The following SNX29 variants were observed in gnomAD, a reference collection of about 807,000 sequenced individuals.
SNX29 encodes sorting nexin 29.
In SNX29, 78 loss-of-function variants were observed where a neutral mutation model predicts 102.1. The observed-to-expected ratio is 0.76, with a 90% CI of 0.64 to 0.92. The LOEUF (loss-of-function observed/expected upper bound fraction) is 0.92. Ranked by LOEUF, SNX29 falls within the 40% of genes least tolerant of loss-of-function variation. The pLI, the probability that SNX29 is intolerant of heterozygous loss-of-function variation, is 0.00. For synonymous variants in SNX29, 580 were observed against 414.5 expected, an observed-to-expected ratio of 1.40 and a Z score of -4.85; for missense variants, 1,280 against 1,061.7, an observed-to-expected ratio of 1.21 and a Z score of -2.86.
At position 12,028,097 on chromosome 16, in the gene SNX29, C is replaced by T. The variant is rs186939349; in HGVS notation, c.247+653C>T. ...TGTAACAAATGTCCTGTGGTCTCCT[C>T]CTCCCCTGAGCTTTCAGTTCCAGCC... is the stretch of plus-strand genomic sequence containing the variant. On this transcript the variant is annotated intron_variant, in intron 4 of 20. Transcript: ENST00000566228. Among the ~76,000 whole-genome samples the T allele has an allele frequency of 5.3e-5, 8 of 152,298 alleles. No individual in the cohort carries two copies. The East Asian group carries it at 1.5e-3, about 29-fold the overall frequency.
intron 13 of SNX29, among the ~76,000 whole-genome samples, chr16:12,133,792 A>G (rs115412060): frequency 0.016 from 2,453 of 152,326 alleles, 65 homozygotes; most frequent in African/African-American, 0.056. Flanking sequence ...GCGATAGTGC[A>G]GAAAGAATTA....
At position 12,278,082 on chromosome 16, in the gene SNX29, C is replaced by T. The variant is rs776285658; in HGVS notation, c.1782+46C>T. The T allele has an allele frequency of 2.0e-5, 30 of 1,517,512 alleles. No individual in the cohort carries two copies. The South Asian group carries it at 2.3e-4, about 11-fold the overall frequency. 94.0% of individuals were successfully genotyped at this position (1,517,512 alleles called of 1,614,324 possible). On this transcript the variant is annotated intron_variant, in intron 15 of 20. Transcript: ENST00000566228. ...GTGTCTTTGTTTCTGATGTTGGCTG[C>T]GTTGGAGACTTTCCAGGGTAGGTCC...
chr16:12,544,854 G>T (rs1383510379), intron 20 of SNX29, among the ~76,000 whole-genome samples: 1 of 152,202 alleles, frequency 6.6e-6, no homozygotes, highest in Non-Finnish European at 1.5e-5. Context: ...ATGCCCACAT[G>T]CAGCCAGTGT....
At chr16:12,109,441 C>T (rs1412147161) in intron 11 of SNX29, among the ~76,000 whole-genome samples, 3 of 152,142 alleles carry the variant, frequency 2.0e-5, no homozygotes, top group Non-Finnish European at 4.4e-5. Flanking sequence ...GCCAAGCTCT[C>T]ATGACACAGT....
intron 18 of SNX29, among the ~76,000 whole-genome samples, chr16:12,445,155 G>GT (rs1345077307): frequency 9.6e-4 from 145 of 150,764 alleles, no homozygotes; most frequent in Middle Eastern, 3.5e-3. Context: ...CTGGCTGACA[G>GT]TTTTTTTTTG....
intron 20 of SNX29, among the ~76,000 whole-genome samples, chr16:12,558,420 C>G (rs148834319): frequency 3.3e-5 from 5 of 152,354 alleles, no homozygotes; most frequent in Admixed American, 6.5e-5. Context: ...GTGGTGAAAG[C>G]TGACATCTAG....
chr16:12,366,546 G>A (rs76867281), intron 16 of SNX29, among the ~76,000 whole-genome samples: 2 of 152,148 alleles, frequency 1.3e-5, no homozygotes, highest in Non-Finnish European at 2.9e-5. Flanking sequence ...GTGGGGTGCA[G>A]TGGGCCTGCC....
At chr16:12,483,979 C>G (rs1325009789) in intron 19 of SNX29, among the ~76,000 whole-genome samples, 1 of 152,212 alleles carries the variant, frequency 6.6e-6, no homozygotes, top group Non-Finnish European at 1.5e-5. Context: ...TCTAATGACG[C>G]AAGCTGGGAT....
intron 18 of SNX29, among the ~76,000 whole-genome samples, chr16:12,416,585 A>G (rs1433124305): frequency 6.6e-6 from 1 of 152,178 alleles, no homozygotes; most frequent in African/African-American, 2.4e-5. Context: ...GGTAGTTGAT[A>G]AAGAGAAGAG....
chr16:12,046,033 C>A (rs1036423345), intron 5 of SNX29, among the ~76,000 whole-genome samples: 1 of 152,208 alleles, frequency 6.6e-6, no homozygotes, highest in Non-Finnish European at 1.5e-5. Context: ...GCCCTGTTGG[C>A]AGGCTTGGAT....
intron 19 of SNX29, among the ~76,000 whole-genome samples, chr16:12,522,921 C>T (rs532778581): frequency 1.3e-5 from 2 of 152,342 alleles, no homozygotes; most frequent in African/African-American, 4.8e-5. Flanking sequence ...AGCAGTCCTC[C>T]TGCTGCAGCC....
intron 18 of SNX29, among the ~76,000 whole-genome samples, chr16:12,418,969 T>C (rs2084763044): frequency 6.6e-6 from 1 of 152,188 alleles, no homozygotes; most frequent in Non-Finnish European, 1.5e-5. Flanking sequence ...CCTCCCTTGC[T>C]AGACTGAGTG....
At chr16:12,257,862 C>T (rs1001760462) in intron 14 of SNX29, among the ~76,000 whole-genome samples, 2 of 152,244 alleles carry the variant, frequency 1.3e-5, no homozygotes, top group East Asian at 1.9e-4. Context: ...GTTGCTCAAA[C>T]CAGAAATCTG....
intron 4 of SNX29, among the ~76,000 whole-genome samples, chr16:12,029,148 G>C (rs1035951954): frequency 6.6e-6 from 1 of 151,584 alleles, no homozygotes. Flanking sequence ...CCCGGGGCTA[G>C]GGTAAGTTCA....
intron 19 of SNX29, among the ~76,000 whole-genome samples, chr16:12,486,780 C>A (rs1202922545): frequency 6.6e-6 from 1 of 152,186 alleles, no homozygotes; most frequent in Non-Finnish European, 1.5e-5. Flanking sequence ...GTCTCTCCGC[C>A]CACACCCACC....
At chr16:12,549,663 C>CA (rs2077841439) in intron 20 of SNX29, among the ~76,000 whole-genome samples, 1 of 152,248 alleles carries the variant, frequency 6.6e-6, no homozygotes, top group Admixed American at 6.5e-5. Context: ...CAGCTTGAGG[C>CA]AGTCCCAAGG....
intron 18 of SNX29, among the ~76,000 whole-genome samples, chr16:12,452,755 C>T (rs928680775): frequency 1.3e-5 from 2 of 152,028 alleles, no homozygotes; most frequent in Non-Finnish European, 2.9e-5. Flanking sequence ...AGGAGAGGAG[C>T]CGGGTGGTGA....
intron 11 of SNX29, chr16:12,087,685 A>C (rs888908613): frequency 5.5e-6 from 2 of 363,952 alleles, no homozygotes; most frequent in African/African-American, 4.3e-5. Flanking sequence ...CCTGGGCTTT[A>C]CAGCAACCCA....
chr16:11,982,035 T>A (rs1397217667), intron 1 of SNX29, among the ~76,000 whole-genome samples: 2 of 148,924 alleles, frequency 1.3e-5, no homozygotes, highest in African/African-American at 5.0e-5. Flanking sequence ...CGAGATCTCA[T>A]CTCAATTAAA....
Sources: gnomAD v4.1 joint callset for allele counts (sites outside exome capture counted in the v4.1 genomes callset) on GRCh38, gnomAD v4.1.1 for gene constraint, MANE v1.5 for transcripts, NCBI Gene and HGNC (gene_info 2026-07-23, HGNC 2026-07-21) for gene names.